The following PI4KA variants were observed in gnomAD, a reference collection of about 807,000 sequenced individuals.
PI4KA encodes PI4-kinase alpha.
A neutral mutation model predicts 271.4 loss-of-function variants in PI4KA; 122 were observed. That is an observed-to-expected ratio of 0.45 (90% CI 0.39 to 0.52). PI4KA has a LOEUF of 0.52. PI4KA is among the 20% of genes least tolerant of loss of function. The pLI is 0.00. For missense variants in PI4KA, 1,969 were observed against 2,769.1 expected (o/e 0.71, Z 6.48); for synonymous variants, 1,041 against 1,078.8 (o/e 0.96, Z 0.69).
intron 14 of PI4KA, among the ~76,000 whole-genome samples, chr22:20,801,177 A>T (rs1476637113): frequency 6.6e-6 from 1 of 151,490 alleles, no homozygotes; most frequent in East Asian, 2.0e-4. Flanking sequence ...GGCTTGAGCC[A>T]CCACACCAGG....
At chr22:20,736,117 G>C (rs1321442052) in intron 32 of PI4KA, among the ~76,000 whole-genome samples, 1 of 152,156 alleles carries the variant, frequency 6.6e-6, no homozygotes, top group African/African-American at 2.4e-5. Flanking sequence ...TGACAGACCA[G>C]GTGGCCAGGG....
intron 19 of PI4KA, among the ~76,000 whole-genome samples, chr22:20,789,306 C>CATTTATTT (rs113990875): frequency 4.6e-5 from 7 of 152,234 alleles, no homozygotes; most frequent in Middle Eastern, 3.4e-3. Context: ...GTCTAGAAAG[C>CATTTATTT]ATTTATTTAT....
In PI4KA at chr22:20,850,450, AT is replaced by A. The variant is rs361892; in HGVS notation, c.156+8119del. On this transcript the variant is annotated intron_variant, in intron 1 of 54. Coordinates refer to ENST00000255882, the MANE Select transcript of PI4KA (RefSeq NM_058004.4). ...ACTATAAATACTCATTTAAAAAAAA[AT>A]TTTTTTTTTTGAGACGGTGTCTTGC... is the stretch of plus-strand genomic sequence containing the variant. 3.6e-3 allele frequency among the ~76,000 whole-genome samples: 532 copies of A among 149,328 alleles called. 3 individuals are homozygous for A. Among genetic ancestry groups the A allele is most frequent in the Middle Eastern group, 6.8e-3 (2 of 294 alleles).
intron 3 of PI4KA, among the ~76,000 whole-genome samples, chr22:20,830,461 C>G (rs1385408591): frequency 6.6e-6 from 1 of 152,162 alleles, no homozygotes; most frequent in Non-Finnish European, 1.5e-5. Flanking sequence ...ATCAGAATAG[C>G]AATCCCTGCT....
chr22:20,730,401 A>G (rs892616698), intron 36 of PI4KA, among the ~76,000 whole-genome samples: 10 of 151,656 alleles, frequency 6.6e-5, no homozygotes, highest in African/African-American at 2.4e-4. Flanking sequence ...CAGCCTCCCA[A>G]GTAGCTGGGA....
rs569482700 is a variant in PI4KA, at chr22:20,711,651, G to A, written c.5803-190C>T. Among the ~76,000 whole-genome samples, 23 of 152,286 alleles carry A rather than the reference G, an allele frequency of 1.5e-4. No individual in the cohort carries two copies. The East Asian group carries it at 2.5e-3, about 17-fold the overall frequency. ...ACAGGGGCTCTCTGTGGAAGTGGGC[G>A]TGCAGGCACTTCCTCCCACACTCAG... On this transcript the variant is annotated intron_variant, in intron 50 of 54. Transcript: ENST00000255882.
intron 19 of PI4KA, chr22:20,787,150 C>T: frequency 7.9e-7 from 1 of 1,263,876 alleles, no homozygotes. Context: ...GATGTTCTGG[C>T]ATCATTTACG....
intron 28 of PI4KA, among the ~76,000 whole-genome samples, chr22:20,748,542 G>A (rs5760343): frequency 0.076 from 11,577 of 152,254 alleles, 432 homozygotes; most frequent in African/African-American, 0.09. Flanking sequence ...CTGCTCTGGG[G>A]ACCACAGGGG....
In PI4KA at chr22:20,713,341, G is replaced by T. The variant is rs141570620; in HGVS notation, c.5511C>A (p.Ala1837=). ...CCTGCCAGGAGATCTTCTGGCCGTCGGCCTCCTGCGTGCTGCACTCATCCT... is the reference window on the plus strand; with the variant it reads ...CCTGCCAGGAGATCTTCTGGCCGTCTGCCTCCTGCGTGCTGCACTCATCCT... ...DSEDECSTQE[A]DGQKISWQAA... is the part of the protein sequence containing the mutation. Residue 1837 remains alanine (A), a synonymous_variant, in exon 48 of 55, where the codon GCC becomes GCA. Coordinates refer to ENST00000255882, the MANE Select transcript of PI4KA (RefSeq NM_058004.4). The T allele has an allele frequency of 3.1e-6, 5 of 1,599,002 alleles. No homozygotes were observed. The African/African-American group carries it at 5.4e-5, about 17-fold the overall frequency.
intron 1 of PI4KA, among the ~76,000 whole-genome samples, chr22:20,840,583 C>A (rs1055757076): frequency 6.6e-6 from 1 of 152,044 alleles, no homozygotes; most frequent in Non-Finnish European, 1.5e-5. Flanking sequence ...GCAGCTGAGG[C>A]GAAGATGTTA....
chr22:20,721,972 A>G (rs1926786957), intron 42 of PI4KA: 1 of 156,100 alleles, frequency 6.4e-6, no homozygotes, highest in Admixed American at 6.1e-5. Context: ...TGTTGATCTC[A>G]TGACAGCGAA....
At chr22:20,721,186 G>A in intron 43 of PI4KA, 112 bp downstream of exon 43, 1 of 1,079,588 alleles carries the variant, frequency 9.3e-7, no homozygotes, top group Non-Finnish European at 1.4e-6. Flanking sequence ...GGGAGTGGAG[G>A]GGTCGGTGAG....
chr22:20,788,098 A>G (rs1003895903), intron 19 of PI4KA, among the ~76,000 whole-genome samples: 1 of 152,250 alleles, frequency 6.6e-6, no homozygotes, highest in African/African-American at 2.4e-5. Flanking sequence ...GAGGCTGTTC[A>G]GCACGCAAGA....
At chr22:20,791,217 GTCA>G (rs67843118) in intron 19 of PI4KA, among the ~76,000 whole-genome samples, 10,543 of 152,176 alleles carry the variant, frequency 0.069, 348 homozygotes, top group East Asian at 0.079. Flanking sequence ...AAGAATACAG[GTCA>G]TCAAGTTCTG....
At chr22:20,749,088 C>A (rs999767653) in intron 28 of PI4KA, among the ~76,000 whole-genome samples, 1 of 152,194 alleles carries the variant, frequency 6.6e-6, no homozygotes, top group Non-Finnish European at 1.5e-5. Context: ...CCTCTTCAGA[C>A]GACAGACAGC....
Position 20,784,055 on chromosome 22 carries a change from A to G in PI4KA, c.2328+9138T>C, listed in dbSNP as rs377527021. 1.7e-4 allele frequency: 267 copies of G among 1,614,186 alleles called. 1 individual carries two copies. Among genetic ancestry groups the G allele is most frequent in the Non-Finnish European group, 2.2e-4 (256 of 1,180,028 alleles). ...TGAGAGAGAGGTAGTTAAGGTTTCC[A>G]TGATGCAGACCAAGGGGAACTTCCT... On this transcript the variant is annotated intron_variant, in intron 19 of 54. Coordinates refer to ENST00000255882, the MANE Select transcript of PI4KA (RefSeq NM_058004.4).
In PI4KA at chr22:20,764,902, G is replaced by C. The variant is rs772967885; in HGVS notation, c.2623C>G (p.Pro875Ala). The change falls in exon 22 of 55, where the codon CCT (proline) becomes GCT (alanine). Residue 875 changes from proline (P) to alanine (A), a missense_variant. Transcript: ENST00000255882. ...TTGATGAGTGCGGACACCTCGGGAG[G>C]GGGGTCCAGCAGGTTGATGATAGTG... ...RSTIINLLDPPPEVSALINKL... is the reference protein window; with the variant it reads ...RSTIINLLDPAPEVSALINKL... The C allele has an allele frequency of 1.7e-5, 27 of 1,613,324 alleles. No individual in the cohort carries two copies. The highest frequency in any genetic ancestry group is 2.3e-5 in the Non-Finnish European group (27 of 1,179,598).
intron 7 of PI4KA, among the ~76,000 whole-genome samples, chr22:20,816,320 G>C (rs1008884278): frequency 6.6e-6 from 1 of 151,192 alleles, no homozygotes; most frequent in Non-Finnish European, 1.5e-5. Context: ...AGTTTTTAAG[G>C]GTCTCACTAT....
intron 36 of PI4KA, among the ~76,000 whole-genome samples, chr22:20,731,494 C>T (rs369311757): frequency 6.6e-5 from 10 of 152,074 alleles, no homozygotes; most frequent in Non-Finnish European, 1.2e-4. Context: ...GAGGCTGAGG[C>T]GGGCGGATCA....
Sources: allele counts gnomAD v4.1 joint callset (sites outside exome capture counted in the v4.1 genomes callset), GRCh38; gene constraint gnomAD v4.1.1; transcripts MANE v1.5; gene names NCBI Gene and HGNC (gene_info 2026-07-23, HGNC 2026-07-21).